Variants in MOK observed in about 807,000 individuals in gnomAD.
MOK encodes MOK protein kinase, also known as MAPK/MAK/MRK overlapping kinase.
MOK carries 59 observed loss-of-function variants against 54.2 expected under a neutral mutation model. That is an observed-to-expected ratio of 1.09 (90% CI 0.88 to 1.35). MOK has a LOEUF of 1.35. MOK is among the 40% of genes most tolerant of loss of function. The probability of loss-of-function intolerance (pLI) is 0.00; values close to 1 mark genes in which losing one functional copy is unlikely to be tolerated. For synonymous variants in MOK, 210 were observed against 202.7 expected, an observed-to-expected ratio of 1.04 and a Z score of -0.31; for missense variants, 517 against 526.2, an observed-to-expected ratio of 0.98 and a Z score of 0.17.
At chr14:102,229,712 T>A in intron 10 of MOK, 55 bp from the exon 11 acceptor site, 1 of 1,483,302 alleles carries the variant, frequency 6.7e-7, no homozygotes, top group Non-Finnish European at 9.1e-7. Context: ...TTTATGGAAA[T>A]TAGGAAAAAC....
chr14:102,301,668 T>C (rs1253037354), intron 1 of MOK, among the ~76,000 whole-genome samples: 1 of 152,202 alleles, frequency 6.6e-6, no homozygotes, highest in Non-Finnish European at 1.5e-5. Context: ...TTTTAAATCA[T>C]TTATTTAATG....
chr14:102,261,130 A>T (rs1156423823), intron 4 of MOK, among the ~76,000 whole-genome samples: 1 of 151,076 alleles, frequency 6.6e-6, no homozygotes, highest in Non-Finnish European at 1.5e-5. Flanking sequence ...GGTGGCATGC[A>T]CCTGCAGTCC....
rs1340523365 is a variant in MOK, at chr14:102,231,738, CTGT to C, written c.947_949del (p.Asn316del). On this transcript the variant is annotated inframe_deletion, in exon 10 of 12. Transcript: ENST00000361847. This position sits in a 1 kb window ranked among gnomAD's most constrained non-coding sequence, Gnocchi z 4.4. ...TCTGCCCTCCTTGGAAATCTGGCAG[CTGT>C]TACTGAGTGGTTCCGGTGCCACAGG... 6.2e-7 allele frequency: 1 copy of C among 1,611,904 alleles called. No individual in the cohort carries two copies. Among genetic ancestry groups the C allele is most frequent in the Admixed American group, 1.7e-5 (1 of 60,000 alleles).
At chr14:102,219,735 C>G (rs2063667327), downstream of MOK, among the ~76,000 whole-genome samples, 1 of 152,244 alleles carries the variant, frequency 6.6e-6, no homozygotes, top group Non-Finnish European at 1.5e-5. Context: ...TGGGCACATT[C>G]TCTGCATGGC....
chr14:102,263,000 T>G (rs1487245645), intron 4 of MOK, among the ~76,000 whole-genome samples: 1 of 152,198 alleles, frequency 6.6e-6, no homozygotes, highest in Non-Finnish European at 1.5e-5. Flanking sequence ...TCAGGCAACC[T>G]CTATAAGTAT....
At chr14:102,224,849 C>T (rs2064177969), downstream of MOK, 1 of 454,656 alleles carries the variant, frequency 2.2e-6, no homozygotes. Context: ...ATGAAAGAAT[C>T]AGAATGGATG....
At chr14:102,221,649 C>A (rs1341147363), downstream of MOK, among the ~76,000 whole-genome samples, 1 of 152,178 alleles carries the variant, frequency 6.6e-6, no homozygotes. The surrounding 1 kb of genome is among the most constrained non-coding windows in gnomAD (Gnocchi z 4.8). Flanking sequence ...GAACAGATTT[C>A]AGGTGGAAGG....
intron 4 of MOK, among the ~76,000 whole-genome samples, chr14:102,256,153 C>T (rs1045535762): frequency 6.6e-6 from 1 of 151,578 alleles, no homozygotes; most frequent in Non-Finnish European, 1.5e-5. Context: ...GGCTGGAGTG[C>T]AGTGGTACAA....
chr14:102,239,563 CAT>C (rs2153095743), intron 7 of MOK, among the ~76,000 whole-genome samples: 1 of 152,306 alleles, frequency 6.6e-6, no homozygotes, highest in Admixed American at 6.5e-5. Flanking sequence ...ACCAGGAGAA[CAT>C]GTTTTTCTAA....
the MOK span, among the ~76,000 whole-genome samples, chr14:102,217,284 G>A: frequency 2.2e-4 from 33 of 152,338 alleles, no homozygotes; most frequent in African/African-American, 7.9e-4. Flanking sequence ...ACGGGATCAC[G>A]ATGAAGGCCC....
At chr14:102,290,210 T>G (rs891993628) in intron 1 of MOK, among the ~76,000 whole-genome samples, 7 of 146,986 alleles carry the variant, frequency 4.8e-5, no homozygotes, top group Non-Finnish European at 9.0e-5. Flanking sequence ...AAGGCCGAGG[T>G]GGGCAGATCA....
chr14:102,285,045 TG>T (rs1348111928), intron 1 of MOK, among the ~76,000 whole-genome samples: 2 of 142,808 alleles, frequency 1.4e-5, no homozygotes, highest in Non-Finnish European at 3.0e-5. Flanking sequence ...ATCACACTAC[TG>T]CACTCCAGCC....
chr14:102,253,252 T>C (rs2066672508), intron 4 of MOK, among the ~76,000 whole-genome samples: 1 of 152,238 alleles, frequency 6.6e-6, no homozygotes, highest in Admixed American at 6.5e-5. Flanking sequence ...ATACATACAA[T>C]GTGTAAGGAT....
chr14:102,217,308 C>T, the MOK span, among the ~76,000 whole-genome samples: 53 of 152,304 alleles, frequency 3.5e-4, no homozygotes, highest in African/African-American at 1.1e-3. Context: ...GACTTGCACA[C>T]GTTCTCTCTG....
intron 2 of MOK, among the ~76,000 whole-genome samples, chr14:102,276,001 A>G (rs1286959124): frequency 6.6e-6 from 1 of 152,214 alleles, no homozygotes; most frequent in Non-Finnish European, 1.5e-5. Context: ...TTCATAAATG[A>G]AGATACATGA....
At chr14:102,289,710 G>A (rs931680101) in intron 1 of MOK, among the ~76,000 whole-genome samples, 13 of 151,752 alleles carry the variant, frequency 8.6e-5, no homozygotes, top group African/African-American at 2.7e-4. Context: ...GGCTGGTCTC[G>A]AACTCCTAAC....
intron 1 of MOK, among the ~76,000 whole-genome samples, chr14:102,294,523 G>A (rs1333296052): frequency 6.6e-6 from 1 of 152,068 alleles, no homozygotes; most frequent in African/African-American, 2.4e-5. Flanking sequence ...GCTGAGATAG[G>A]AGAATCCTCT....
rs745607485 is a variant in MOK, at chr14:102,229,629, C to T, written c.1010G>A (p.Arg337His). 3.7e-6 allele frequency: 6 copies of T among 1,612,914 alleles called. No individual in the cohort carries two copies. Among genetic ancestry groups the T allele is most frequent in the East Asian group, 4.5e-5 (2 of 44,868 alleles). ...QKQSLKQEED[R>H]PKRRGPAYVM... ...ATAGGCCGGTCCTCGTCTCTTGGGA[C>T]GGTCCTCCTCTTGCTTTAGGGACTG... Residue 337 changes from arginine (R) to histidine (H), a missense_variant, in exon 11 of 12, where the codon CGT becomes CAT. Arg to His is a conservative substitution (Grantham distance 29). Transcript: ENST00000361847.
chr14:102,259,389 G>C (rs908263073), intron 4 of MOK, among the ~76,000 whole-genome samples: 2 of 152,112 alleles, frequency 1.3e-5, no homozygotes, highest in South Asian at 4.1e-4. Context: ...AGGTGCCTCT[G>C]TTCATTTAAG....
Sources: gnomAD v4.1 joint callset for allele counts (sites outside exome capture counted in the v4.1 genomes callset) on GRCh38, gnomAD v4.1.1 for gene constraint, Gnocchi (gnomAD v3.1) non-coding constraint, MANE v1.5 for transcripts, NCBI Gene and HGNC (gene_info 2026-07-23, HGNC 2026-07-21) for gene names.